Variants in DDX55 observed in about 807,000 individuals in gnomAD.
The protein encoded by DDX55 is DEAD-box helicase 55, also known as ATP-dependent RNA helicase DDX55.
A neutral mutation model predicts 69.2 loss-of-function variants in DDX55; 56 were observed. The ratio of observed to expected loss-of-function variants is 0.81; its 90% CI spans 0.65 to 1.01. DDX55 has a LOEUF of 1.01. DDX55 is among the 50% of genes least tolerant of loss of function. DDX55 has a pLI of 0.00. For missense variants in DDX55, 720 were observed against 745.1 expected (o/e 0.97, Z 0.39); for synonymous variants, 268 against 273.1 (o/e 0.98, Z 0.18).
intron 11 of DDX55, 76 bp from the exon 12 acceptor site, chr12:123,618,593 C>G: frequency 4.5e-6 from 7 of 1,566,030 alleles, no homozygotes. Context: ...TTTTGTTTTT[C>G]TTGGTTGTGA....
intron 3 of DDX55, 79 bp downstream of exon 3, chr12:123,606,238 G>GA (rs1953884487): frequency 6.5e-7 from 1 of 1,535,900 alleles, no homozygotes. Context: ...CTACAAATGT[G>GA]AAAAAATAGG....
rs753078772 is a variant in DDX55, at chr12:123,615,240, G to A, written c.880G>A (p.Val294Met). Residue 294 changes from valine to methionine, a missense_variant, in exon 9 of 14, where the codon GTG becomes ATG. By Grantham distance (21) the Val-to-Met change is conservative. Coordinates refer to ENST00000238146, the MANE Select transcript of DDX55 (RefSeq NM_020936.3). ...GKALEVLVKGVKIMCIHGKMK... is the reference protein window; with the variant it reads ...GKALEVLVKGMKIMCIHGKMK... ...GGCTCTGGAAGTGCTGGTGAAGGGCGTGAAGATTATGTGCATTCACGGAAA... is the reference window on the plus strand; with the variant it reads ...GGCTCTGGAAGTGCTGGTGAAGGGCATGAAGATTATGTGCATTCACGGAAA... 10 of 1,614,154 alleles carry A rather than the reference G, an allele frequency of 6.2e-6. No homozygotes were observed. Among genetic ancestry groups the A allele is most frequent in the African/African-American group, 1.3e-5 (1 of 75,056 alleles).
chr12:123,617,311 C>A (rs7134896), intron 10 of DDX55, among the ~76,000 whole-genome samples: 74,237 of 152,104 alleles, frequency 0.49, 20,139 homozygotes, highest in African/African-American at 0.72. Context: ...GCAATACATA[C>A]CACCACATGT....
chr12:123,607,758 C>G lies in DDX55; in HGVS notation c.401+96C>G, dbSNP rs1452506636. 3 of 1,537,094 alleles carry G rather than the reference C, an allele frequency of 2.0e-6. No individual in the cohort carries two copies. In the Admixed American group the frequency reaches 5.0e-5, roughly 26 times the overall value. ...TCAGCCTAACTGTGGGTCCCCCTTT[C>G]AGCAGCCTCCTCCCCCTGCAAAAAG... is the stretch of plus-strand genomic sequence containing the variant. On this transcript the variant is annotated intron_variant, in intron 5 of 13. Coordinates refer to ENST00000238146, the MANE Select transcript of DDX55 (RefSeq NM_020936.3).
At chr12:123,612,914 T>C (rs1566192601) in intron 7 of DDX55, among the ~76,000 whole-genome samples, 1 of 151,868 alleles carries the variant, frequency 6.6e-6, no homozygotes, top group Non-Finnish European at 1.5e-5. Flanking sequence ...GGATTGGGAG[T>C]TGGGAACTGT....
intron 10 of DDX55, 74 bp downstream of exon 10, chr12:123,616,677 A>G (rs2135736875): frequency 1.4e-6 from 2 of 1,454,574 alleles, no homozygotes; most frequent in African/African-American, 2.8e-5. Flanking sequence ...GAAGAAGATA[A>G]ACAGATAATG....
chr12:123,611,213 T>C lies in DDX55; in HGVS notation c.741+1085T>C, dbSNP rs143220715. ...CATGCCTGGCCCAAATATGCTGAAT[T>C]TCTAGTAGTAAATACTGGCTGCTGG... On this transcript the variant is annotated intron_variant, in intron 7 of 13. Coordinates refer to ENST00000238146, the MANE Select transcript of DDX55 (RefSeq NM_020936.3). 6.0e-3 allele frequency among the ~76,000 whole-genome samples: 908 copies of C among 152,334 alleles called. 4 individuals carry two copies. Among genetic ancestry groups the C allele is most frequent in the Non-Finnish European group, 9.4e-3 (638 of 68,022 alleles).
intron 9 of DDX55, 26 bp from the exon 10 acceptor site, chr12:123,616,485 C>A (rs1954678852): frequency 2.5e-6 from 4 of 1,610,492 alleles, no homozygotes; most frequent in Admixed American, 1.7e-5. Flanking sequence ...CCTCCTTACT[C>A]AGAATGCTTT....
intron 1 of DDX55, among the ~76,000 whole-genome samples, chr12:123,604,500 C>T (rs908690844): frequency 2.6e-5 from 4 of 152,112 alleles, no homozygotes; most frequent in Non-Finnish European, 4.4e-5. Flanking sequence ...GCTATGTGCC[C>T]TGCCTAGGGA....
In DDX55 at chr12:123,620,144, C is replaced by T. The variant is rs1955036851; in HGVS notation, c.*4C>T. ...AGATTTGGAAGATGACTGCTGATTCCAGTGCCACAGATGAACCCACAAGGA... is the reference window on the plus strand; with the variant it reads ...AGATTTGGAAGATGACTGCTGATTCTAGTGCCACAGATGAACCCACAAGGA... On this transcript the variant is annotated 3_prime_UTR_variant, in exon 14 of 14. Coordinates refer to ENST00000238146, the MANE Select transcript of DDX55 (RefSeq NM_020936.3). 6.2e-7 allele frequency: 1 copy of T among 1,612,452 alleles called. No individual in the cohort carries two copies. Among genetic ancestry groups the T allele is most frequent in the Admixed American group, 1.7e-5 (1 of 59,844 alleles).
rs1953617063 is a variant in DDX55 at position 123,602,365 on chromosome 12, C to T, written c.108+109C>T. ...GATCTGAGCCCTGGGGCGCTCATCC[C>T]TCCAGCTGGGGCTCTTGCCTTGTCT... On this transcript the variant is annotated intron_variant, in intron 1 of 13. Transcript: ENST00000238146. 1.4e-5 allele frequency: 15 copies of T among 1,041,888 alleles called. No homozygotes were observed. In the South Asian group the frequency reaches 2.6e-4, roughly 18 times the overall value. 64.5% of individuals were successfully genotyped at this position (1,041,888 alleles called of 1,614,324 possible). A position where few individuals can be genotyped will look rare whatever the true frequency, so the allele number is the denominator to read the frequency against.
chr12:123,605,797 A>T, intron 1 of DDX55, 134 bp from the exon 2 acceptor site: 1 of 1,160,392 alleles, frequency 8.6e-7, no homozygotes, highest in Non-Finnish European at 1.3e-6. Context: ...CTCTATGGTG[A>T]CTTGGTTACT....
At chr12:123,617,999 G>T (rs1463646547) in intron 11 of DDX55, 127 bp downstream of exon 11, 5 of 836,660 alleles carry the variant, frequency 6.0e-6, no homozygotes, top group Non-Finnish European at 7.6e-6. Context: ...TGGTGGCAGT[G>T]GGGGGCCCTG....
Position 123,610,255 on chromosome 12 carries a change from C to T in DDX55, c.741+127C>T, listed in dbSNP as rs554303975. ...GAAATGCATTTGGGGACAGAGCTAG[C>T]TAGGGCAAATGGCCTGAGTGGTCCT... On this transcript the variant is annotated intron_variant, in intron 7 of 13. Coordinates refer to ENST00000238146, the MANE Select transcript of DDX55 (RefSeq NM_020936.3). The T allele has an allele frequency of 1.2e-3, 1,573 of 1,265,778 alleles. 3 individuals are homozygous for T. The highest frequency in any genetic ancestry group is 1.5e-3 in the Non-Finnish European group (1,446 of 935,232). 78.4% of individuals were successfully genotyped at this position (1,265,778 alleles called of 1,614,324 possible).
chr12:123,608,562 G>T, intron 5 of DDX55, 118 bp from the exon 6 acceptor site: 1 of 1,239,818 alleles, frequency 8.1e-7, no homozygotes, highest in Non-Finnish European at 1.1e-6. Flanking sequence ...CATGCTCTTC[G>T]TTCTCTTCAC....
In DDX55 at chr12:123,618,171, C is replaced by T. The variant is rs567447715; in HGVS notation, c.1164+299C>T. 211 of 391,836 alleles carry T rather than the reference C, an allele frequency of 5.4e-4. No individual in the cohort carries two copies. The Middle Eastern group carries it at 6.9e-3, about 13-fold the overall frequency. The allele number at this position is 391,836 out of a possible 1,614,324, so 24.3% of individuals were successfully genotyped here. ...AGCTGGGATTACAGGCATGCGCCAC[C>T]CCAGCTAATTTTGTATTTTTAGTAG... On this transcript the variant is annotated intron_variant, in intron 11 of 13. Transcript: ENST00000238146.
At chr12:123,618,014 G>T (rs1954814987) in intron 11 of DDX55, 142 bp downstream of exon 11, 3 of 646,002 alleles carry the variant, frequency 4.6e-6, no homozygotes, top group East Asian at 3.1e-5. Context: ...GCCCTGGTGG[G>T]GTTTTTTTTT....
chr12:123,604,080 G>A (rs1447803149), intron 1 of DDX55, among the ~76,000 whole-genome samples: 3 of 152,122 alleles, frequency 2.0e-5, no homozygotes, highest in African/African-American at 7.2e-5. Flanking sequence ...GATTACAGGA[G>A]TGAGCCACTG....
In DDX55 at chr12:123,620,023, A is replaced by G; in HGVS notation, c.1686A>G (p.Lys562=). The change falls in exon 14 of 14, where the codon AAA becomes AAG. Residue 562 remains lysine (K), a synonymous_variant. Transcript: ENST00000238146. Reference sequence around the variant, plus strand: ...TTCTTAATGACACAAGACTCTTGAAAAAACTTAAGAAAGGCAAAATAACTG... The same window carrying G: ...TTCTTAATGACACAAGACTCTTGAAGAAACTTAAGAAAGGCAAAATAACTG... ...EELLNDTRLL[K]KLKKGKITEE... is the part of the protein sequence containing the mutation. The G allele has an allele frequency of 1.2e-6, 2 of 1,614,216 alleles. No homozygotes were observed. The highest frequency in any genetic ancestry group is 1.1e-5 in the South Asian group (1 of 91,088).
Sources: gnomAD v4.1 joint callset for allele counts (sites outside exome capture counted in the v4.1 genomes callset) on GRCh38, gnomAD v4.1.1 for gene constraint, MANE v1.5 for transcripts, NCBI Gene and HGNC (gene_info 2026-07-23, HGNC 2026-07-21) for gene names.